Variants in GRIN2A observed in about 807,000 individuals in gnomAD.
GRIN2A encodes glutamate ionotropic receptor NMDA type subunit 2A.
Under a neutral mutation model 113.4 loss-of-function variants are expected in GRIN2A, and 22 were observed. That is an observed-to-expected ratio of 0.19 (90% CI 0.14 to 0.28). The LOEUF (loss-of-function observed/expected upper bound fraction) is 0.28. Ranked by LOEUF, GRIN2A falls within the 10% of genes least tolerant of loss-of-function variation. The probability of loss-of-function intolerance (pLI) is 1.00; values close to 1 mark genes in which losing one functional copy is unlikely to be tolerated. For missense variants in GRIN2A, 1,502 were observed against 1,887.0 expected (o/e 0.80, Z 3.78); for synonymous variants, 827 against 738.4 (o/e 1.12, Z -1.94).
chr16:10,023,762 C>A (rs1354634091), intron 2 of GRIN2A, among the ~76,000 whole-genome samples: 2 of 152,222 alleles, frequency 1.3e-5, no homozygotes, highest in Non-Finnish European at 2.9e-5. Flanking sequence ...CAAGTCCACT[C>A]ATTTGCACTG....
rs117055894 is a variant in GRIN2A at position 10,031,005 on chromosome 16, T to G, written c.415-92454A>C. Among the ~76,000 whole-genome samples the G allele has an allele frequency of 3.0e-4, 46 of 152,242 alleles. 1 individual carries two copies. The East Asian group carries it at 8.3e-3, about 27-fold the overall frequency. ...ATACTGGCTGCTGACTTGTTAAAAATACTACTATCATGAGGCCAGGGAGAA... is the reference window on the plus strand; with the variant it reads ...ATACTGGCTGCTGACTTGTTAAAAAGACTACTATCATGAGGCCAGGGAGAA... On this transcript the variant is annotated intron_variant, in intron 2 of 12. Transcript: ENST00000330684.
At chr16:10,069,262 A>G (rs573821234) in intron 2 of GRIN2A, among the ~76,000 whole-genome samples, 48 of 152,310 alleles carry the variant, frequency 3.2e-4, no homozygotes, top group African/African-American at 1.1e-3. Flanking sequence ...GATCTGAGAT[A>G]TACATTTGAA....
At chr16:9,991,074 G>GA (rs139177676) in intron 2 of GRIN2A, among the ~76,000 whole-genome samples, 4 of 149,948 alleles carry the variant, frequency 2.7e-5, no homozygotes, top group Admixed American at 6.6e-5. Flanking sequence ...CTCAAAAAAA[G>GA]AAAAAAAAAG....
intron 2 of GRIN2A, among the ~76,000 whole-genome samples, chr16:10,005,688 A>G (rs1194106847): frequency 6.6e-6 from 1 of 152,230 alleles, no homozygotes; most frequent in South Asian, 2.1e-4. Context: ...TGATTTGTAA[A>G]TGTTGGAGAC....
chr16:10,039,706 G>A (rs1179355264), intron 2 of GRIN2A, among the ~76,000 whole-genome samples: 1 of 150,250 alleles, frequency 6.7e-6, no homozygotes, highest in African/African-American at 2.5e-5. Context: ...GAAGGACCAG[G>A]TGCTGGGCAG....
chr16:10,106,829 G>T (rs2048509660), intron 2 of GRIN2A, among the ~76,000 whole-genome samples: 1 of 152,194 alleles, frequency 6.6e-6, no homozygotes, highest in Admixed American at 6.5e-5. Flanking sequence ...GATTCATGAA[G>T]GGAGAGAAGG....
At chr16:9,885,519 CA>C (rs2043570514) in intron 4 of GRIN2A, among the ~76,000 whole-genome samples, 1 of 152,204 alleles carries the variant, frequency 6.6e-6, no homozygotes, top group African/African-American at 2.4e-5. Flanking sequence ...CCACACCAGC[CA>C]CCTACAAAGG....
rs1383845444 is a variant in GRIN2A, at chr16:9,899,334, T to C, written c.1008-8234A>G. Among the ~76,000 whole-genome samples, 30 of 148,156 alleles carry C rather than the reference T, an allele frequency of 2.0e-4. 1 individual carries two copies. Among genetic ancestry groups the C allele is most frequent in the Admixed American group, 2.0e-3 (29 of 14,594 alleles). ...AGGCATCTATAATCCCAGCTACTCA[T>C]GTGGCTGAGACAGGAGAACCACTTG... On this transcript the variant is annotated intron_variant, in intron 3 of 12. Transcript: ENST00000330684.
Position 9,764,012 on chromosome 16 carries a change from G to A in GRIN2A, c.3532C>T (p.Leu1178Phe). ...NRNPLHNEEG[L>F]SNNDQYKLYS... is the part of the protein sequence containing the mutation. The stretch of plus-strand genomic sequence containing the variant: ...AGTTTATACTGGTCGTTGTTGGAAA[G>A]CCCCTCTTCATTATGCAAGGGGTTC... Residue 1178 changes from leucine (L) to phenylalanine (F), a missense_variant, in exon 13 of 13, where the codon CTT becomes TTT. Coordinates refer to ENST00000330684, the MANE Select transcript of GRIN2A (RefSeq NM_001134407.3). 1.2e-6 allele frequency: 2 copies of A among 1,614,130 alleles called. No individual in the cohort carries two copies. The highest frequency in any genetic ancestry group is 1.7e-6 in the Non-Finnish European group (2 of 1,180,000).
chr16:10,112,313 C>A, intron 2 of GRIN2A: 9 of 646,572 alleles, frequency 1.4e-5, no homozygotes, highest in Non-Finnish European at 2.5e-5. Context: ...AGGCTAAGAA[C>A]CTGATTGACA....
intron 2 of GRIN2A, among the ~76,000 whole-genome samples, chr16:9,941,517 C>T (rs1408022460): frequency 1.3e-5 from 2 of 152,200 alleles, no homozygotes; most frequent in Non-Finnish European, 2.9e-5. Flanking sequence ...GCTGTCTCCA[C>T]CCCCTGTCAT....
intron 8 of GRIN2A, among the ~76,000 whole-genome samples, chr16:9,832,086 T>TTTTATTTA (rs35044218): frequency 0.013 from 1,785 of 135,644 alleles, 26 homozygotes; most frequent in African/African-American, 0.028. Context: ...GCCAGGCTTA[T>TTTTATTTA]TTTATTTATT....
At chr16:9,812,654 A>G (rs938156961) in intron 10 of GRIN2A, among the ~76,000 whole-genome samples, 8 of 152,230 alleles carry the variant, frequency 5.3e-5, no homozygotes, top group African/African-American at 1.7e-4. Flanking sequence ...AAAACAAAAA[A>G]GAAAGAAAAA....
In GRIN2A at chr16:9,758,782, G is replaced by C; in HGVS notation, c.*4367C>G. 4.7e-6 allele frequency: 1 copy of C among 213,862 alleles called. No homozygotes were observed. Among genetic ancestry groups the C allele is most frequent in the Non-Finnish European group, 9.5e-6 (1 of 105,790 alleles). 13.2% of individuals were successfully genotyped at this position (213,862 alleles called of 1,614,324 possible). ...ATGGGAAACAGTAACTGCATATTGG[G>C]AGAACTTTTCAAGTATAGACCCCAC... On this transcript the variant is annotated 3_prime_UTR_variant, in exon 13 of 13. Coordinates refer to ENST00000330684, the MANE Select transcript of GRIN2A (RefSeq NM_001134407.3).
At chr16:10,055,420 A>G (rs1418412505) in intron 2 of GRIN2A, among the ~76,000 whole-genome samples, 2 of 152,202 alleles carry the variant, frequency 1.3e-5, no homozygotes, top group Non-Finnish European at 2.9e-5. Flanking sequence ...GAAATATTCC[A>G]CCATTGATAA....
chr16:9,963,015 G>T (rs375706615), intron 2 of GRIN2A, among the ~76,000 whole-genome samples: 1 of 150,498 alleles, frequency 6.6e-6, no homozygotes, highest in Non-Finnish European at 1.5e-5. Context: ...GCAAACTATC[G>T]CAAGGACAAA....
intron 11 of GRIN2A, among the ~76,000 whole-genome samples, chr16:9,778,642 G>C (rs997051041): frequency 6.6e-6 from 1 of 152,196 alleles, no homozygotes; most frequent in Admixed American, 6.5e-5. Flanking sequence ...AATGACCAAC[G>C]AGGGGAAGTA....
chr16:9,779,119 G>T (rs1203007970), intron 11 of GRIN2A, among the ~76,000 whole-genome samples: 2 of 152,332 alleles, frequency 1.3e-5, no homozygotes, highest in East Asian at 3.9e-4. Context: ...CTTTAAGTTT[G>T]CAGGCAAATG....
intron 2 of GRIN2A, among the ~76,000 whole-genome samples, chr16:10,009,978 T>C (rs2046476530): frequency 6.6e-6 from 1 of 152,246 alleles, no homozygotes; most frequent in Non-Finnish European, 1.5e-5. Context: ...TGGCACAGCG[T>C]TGCACAGTCA....
Sources: allele counts gnomAD v4.1 joint callset (sites outside exome capture counted in the v4.1 genomes callset), GRCh38; gene constraint gnomAD v4.1.1; transcripts MANE v1.5; gene names NCBI Gene and HGNC (gene_info 2026-07-23, HGNC 2026-07-21).